Variants in SLCO4A1 observed in about 807,000 individuals in gnomAD.
SLCO4A1 encodes colon organic anion transporter.
Under a neutral mutation model 64.6 loss-of-function variants are expected in SLCO4A1, and 51 were observed. That is an observed-to-expected ratio of 0.79 (90% confidence interval 0.63 to 1.00). The LOEUF (loss-of-function observed/expected upper bound fraction) is 1.00. Ranked by LOEUF, SLCO4A1 falls within the 50% of genes least tolerant of loss-of-function variation. The pLI is 0.00. For missense variants in SLCO4A1, 919 were observed against 980.5 expected (o/e 0.94, Z 0.84); for synonymous variants, 471 against 444.9 (o/e 1.06, Z -0.74).
rs921623079 is a variant in SLCO4A1 at position 62,656,415 on chromosome 20, C to T, written c.-40C>T. The T allele has an allele frequency of 9.0e-6, 13 of 1,443,906 alleles. No homozygotes were observed. The highest frequency in any genetic ancestry group is 2.9e-5 in the African/African-American group (2 of 70,154). The allele number at this position is 1,443,906 out of a possible 1,614,324, so 89.4% of individuals were successfully genotyped here. A position where few individuals can be genotyped will look rare whatever the true frequency, so the allele number is the denominator to read the frequency against. On this transcript the variant is annotated 5_prime_UTR_variant, in exon 2 of 12. Transcript: ENST00000217159. ...ACTCCCGCTGAGGCCACTCCCACTG[C>T]GTGGCTGAAGCCTCGAGGTCACCAG...
intron 7 of SLCO4A1, among the ~76,000 whole-genome samples, chr20:62,666,959 G>C (rs1187993924): frequency 6.6e-6 from 1 of 152,226 alleles, no homozygotes; most frequent in African/African-American, 2.4e-5. Context: ...TGCTGGGAGT[G>C]GGAGGGACAC....
At chr20:62,658,885 C>G in intron 3 of SLCO4A1, 118 bp downstream of exon 3, 1 of 847,140 alleles carries the variant, frequency 1.2e-6, no homozygotes, top group Non-Finnish European at 1.9e-6. Flanking sequence ...GTGCTGGGCA[C>G]CCCCCGGGCT....
intron 2 of SLCO4A1, among the ~76,000 whole-genome samples, chr20:62,681,647 C>T (rs115057422): frequency 1.4e-3 from 219 of 152,330 alleles, no homozygotes; most frequent in African/African-American, 5.1e-3. Flanking sequence ...TATCCATGTA[C>T]GGGCTTTGTG....
rs1983820012 is a variant in SLCO4A1, at chr20:62,656,833, G to T, written c.379G>T (p.Val127Phe). The change falls in exon 2 of 12, where the codon GTC becomes TTC. Residue 127 changes from valine to phenylalanine, a missense_variant. Coordinates refer to ENST00000217159, the MANE Select transcript of SLCO4A1 (RefSeq NM_016354.4). ...GACTGTGAATGGCTTCATCAACACA[G>T]TCATCACCTCCCTGGAGCGCCGCTA... ...GMTVNGFINTVITSLERRYDL... is the reference protein window; with the variant it reads ...GMTVNGFINTFITSLERRYDL... 6.2e-7 allele frequency: 1 copy of T among 1,612,014 alleles called. No homozygotes were observed. The highest frequency in any genetic ancestry group is 1.1e-5 in the South Asian group (1 of 91,014).
At chr20:62,672,362 C>A, downstream of SLCO4A1, 1 of 878,838 alleles carries the variant, frequency 1.1e-6, no homozygotes, top group South Asian at 3.9e-5. Flanking sequence ...CCTTGGCCCA[C>A]GTCCTGTAGT....
chr20:62,663,868 G>A (rs975860534), intron 5 of SLCO4A1, among the ~76,000 whole-genome samples: 2 of 152,220 alleles, frequency 1.3e-5, no homozygotes, highest in Non-Finnish European at 2.9e-5. Context: ...GGCTGGGAGG[G>A]CTTTGCGTGG....
chr20:62,661,489 C>T lies in SLCO4A1; in HGVS notation c.1121+314C>T, dbSNP rs113327423. ...GGCTGCGCCTGGCTCCCAGTGGCCA[C>T]GGAGCAAATCCCTTCCACACCAGCA... On this transcript the variant is annotated intron_variant, in intron 5 of 11. Coordinates refer to ENST00000217159, the MANE Select transcript of SLCO4A1 (RefSeq NM_016354.4). The surrounding 1 kb of genome is among the most constrained non-coding windows in gnomAD (Gnocchi z 5.2). Among the ~76,000 whole-genome samples, 438 of 152,188 alleles carry T rather than the reference C, an allele frequency of 2.9e-3. 1 individual carries two copies. Among genetic ancestry groups the T allele is most frequent in the Middle Eastern group, 0.014 (4 of 294 alleles).
rs1315189360 is a variant in SLCO4A1 at position 62,671,791 on chromosome 20, C to A, written c.2067C>A (p.Tyr689Ter). 36 of 1,613,590 alleles carry A rather than the reference C, an allele frequency of 2.2e-5. No homozygotes were observed. Among genetic ancestry groups the A allele is most frequent in the Non-Finnish European group, 2.7e-5 (32 of 1,180,032 alleles). ...VLFFAIACFL[Y>*]KPLSESSDGL... is the part of the protein sequence containing the mutation. Reference sequence around the variant, plus strand: ...TCTTTGCCATAGCCTGCTTCTTATACAAGCCCCTGTCGGAGTCTTCAGATG... The same window carrying A: ...TCTTTGCCATAGCCTGCTTCTTATAAAAGCCCCTGTCGGAGTCTTCAGATG... Residue 689 changes from tyrosine (Y) to a stop codon, truncating the protein, a stop_gained, in exon 12 of 12, where the codon TAC becomes TAA. Coordinates refer to ENST00000217159, the MANE Select transcript of SLCO4A1 (RefSeq NM_016354.4). LOFTEE classifies it low-confidence loss of function (END_TRUNC).
chr20:62,672,371 G>A, downstream of SLCO4A1: 2 of 821,368 alleles, frequency 2.4e-6, no homozygotes, highest in Non-Finnish European at 3.0e-6. Flanking sequence ...ACGTCCTGTA[G>A]TCAGCCCTGT....
rs768329401 is a variant in SLCO4A1 at position 62,668,172 on chromosome 20, C to T, written c.1799C>T (p.Thr600Met). Residue 600 changes from threonine (T) to methionine (M), a missense_variant, in exon 9 of 12, where the codon ACG (threonine) becomes ATG (methionine). Transcript: ENST00000217159. The part of the protein sequence containing the change: ...FTFLSSIPAL[T>M]ATLRCVRDPQ... ...TTCCTCAGCAGCATTCCTGCACTAA[C>T]GGCAACTCTACGGTAAGCTGGGGTC... 3.1e-6 allele frequency: 5 copies of T among 1,613,748 alleles called. No individual in the cohort carries two copies. The highest frequency in any genetic ancestry group is 1.1e-5 in the South Asian group (1 of 91,096).
chr20:62,674,797 A>T (rs1002860278), downstream of SLCO4A1, among the ~76,000 whole-genome samples: 2 of 152,176 alleles, frequency 1.3e-5, no homozygotes, highest in African/African-American at 4.8e-5. Context: ...TAGCCCTGTA[A>T]CAGAGGAAGA....
At chr20:62,664,224 C>T (rs1015926301) in intron 5 of SLCO4A1, among the ~76,000 whole-genome samples, 3 of 152,084 alleles carry the variant, frequency 2.0e-5, no homozygotes, top group African/African-American at 7.2e-5. Context: ...GCTCCAGGCC[C>T]ATGCACCAAG....
downstream of SLCO4A1, among the ~76,000 whole-genome samples, chr20:62,675,394 A>G (rs1421382317): frequency 6.6e-6 from 1 of 152,094 alleles, no homozygotes; most frequent in Non-Finnish European, 1.5e-5. Flanking sequence ...CCCCTCAGGC[A>G]GCTCCCAAGA....
In SLCO4A1 at chr20:62,645,805, C is replaced by T. The variant is rs1172136649; in HGVS notation, c.-97+3252C>T. ...CGCGCAGCCAGGCCCTTCCTGCCCA[C>T]GGACCTTGCCTTTTCTTGGTGGTTT... On this transcript the variant is annotated intron_variant, in intron 1 of 11. Transcript: ENST00000217159. This position sits in a 1 kb window ranked among gnomAD's most constrained non-coding sequence, Gnocchi z 4.2. Among the ~76,000 whole-genome samples, 1 of 151,884 alleles carries T rather than the reference C, an allele frequency of 6.6e-6. No individual in the cohort carries two copies. The highest frequency in any genetic ancestry group is 2.4e-5 in the African/African-American group (1 of 41,322).
At chr20:62,665,680 C>T (rs957134850) in intron 6 of SLCO4A1, among the ~76,000 whole-genome samples, 1 of 152,268 alleles carries the variant, frequency 6.6e-6, no homozygotes, top group Admixed American at 6.5e-5. Context: ...CTCCCTCCCC[C>T]ACAGGCCCAT....
intron 2 of SLCO4A1, among the ~76,000 whole-genome samples, chr20:62,680,483 A>C (rs1053690751): frequency 6.6e-6 from 1 of 152,132 alleles, no homozygotes. Flanking sequence ...TCTCAATGTG[A>C]AGTGTGACGT....
intron 7 of SLCO4A1, chr20:62,667,419 T>G: frequency 3.4e-6 from 1 of 292,832 alleles, no homozygotes. Context: ...CTTGGCGCTT[T>G]TTCTTTCCTA....
At chr20:62,688,212 C>T (rs1465049914), downstream of SLCO4A1, among the ~76,000 whole-genome samples, 1 of 152,232 alleles carries the variant, frequency 6.6e-6, no homozygotes, top group Non-Finnish European at 1.5e-5. Context: ...CACTGAGCAG[C>T]AGAGATAGCC....
At chr20:62,649,373 C>T (rs2427364) in intron 1 of SLCO4A1, 74,447 of 152,210 alleles carry the variant, frequency 0.49, 20,930 homozygotes, top group East Asian at 0.75. Context: ...CTAATCTCAC[C>T]TGGAAACACC....
Sources: gnomAD v4.1 joint callset for allele counts (sites outside exome capture counted in the v4.1 genomes callset) on GRCh38, gnomAD v4.1.1 for gene constraint, Gnocchi (gnomAD v3.1) non-coding constraint, MANE v1.5 for transcripts, NCBI Gene and HGNC (gene_info 2026-07-23, HGNC 2026-07-21) for gene names.